GLYATL3: variants seen among roughly 807,000 people sequenced by gnomAD.
GLYATL3 encodes the protein glycine-N-acyltransferase like 3.
Under a neutral mutation model 28.5 loss-of-function variants are expected in GLYATL3, and 31 were observed. That is an observed-to-expected ratio of 1.09 (90% CI 0.82 to 1.47). GLYATL3 has a LOEUF of 1.47. Ranked by LOEUF, GLYATL3 falls within the 40% of genes most tolerant of loss-of-function variation. The pLI is 0.00. For missense variants in GLYATL3, 369 were observed against 351.5 expected, an observed-to-expected ratio of 1.05 and a Z score of -0.40; for synonymous variants, 141 against 140.2, an observed-to-expected ratio of 1.01 and a Z score of -0.04.
chr6:49,515,042 C>T (rs920985239), intron 2 of GLYATL3, among the ~76,000 whole-genome samples: 5 of 152,148 alleles, frequency 3.3e-5, no homozygotes, highest in African/African-American at 4.8e-5. Context: ...GCTCCGTGGA[C>T]ATAATAATGA....
Position 49,508,590 on chromosome 6 carries a change from C to T in GLYATL3, c.-28-3373C>T, listed in dbSNP as rs182342499. ...GCATCCGTTTATAGGCTCTCCACAA[C>T]GGTCGCATTCCTTTCCCAGAGCTAT... On this transcript the variant is annotated intron_variant, in intron 1 of 5. Coordinates refer to ENST00000371197, the MANE Select transcript of GLYATL3 (RefSeq NM_001010904.2). Among the ~76,000 whole-genome samples the T allele has an allele frequency of 1.3e-3, 203 of 152,234 alleles. 1 individual carries two copies. Among genetic ancestry groups the T allele is most frequent in the Non-Finnish European group, 2.6e-3 (180 of 68,012 alleles).
Position 49,526,809 on chromosome 6 carries a change from G to A in GLYATL3, c.762G>A (p.Thr254=). 1.9e-6 allele frequency: 3 copies of A among 1,552,088 alleles called. No homozygotes were observed. The highest frequency in any genetic ancestry group is 2.6e-6 in the Non-Finnish European group (3 of 1,147,078). ...AGGGGAACGTCCTGGATGACAACACGGCGTCTATAAGCCTCCTGAAGAGTC... is the reference window on the plus strand; with the variant it reads ...AGGGGAACGTCCTGGATGACAACACAGCGTCTATAAGCCTCCTGAAGAGTC... ...PSQGNVLDDN[T]ASISLLKSLH... The change falls in exon 6 of 6, where the codon ACG becomes ACA. Residue 254 remains threonine, a synonymous_variant. Coordinates refer to ENST00000371197, the MANE Select transcript of GLYATL3 (RefSeq NM_001010904.2).
intron 2 of GLYATL3, among the ~76,000 whole-genome samples, chr6:49,512,878 T>C (rs1467376982): frequency 6.6e-6 from 1 of 152,236 alleles, no homozygotes; most frequent in Admixed American, 6.5e-5. Flanking sequence ...CTATACTGTG[T>C]GAATTAAATC....
Position 49,527,085 on chromosome 6 carries a change from G to A in GLYATL3, c.*171G>A, listed in dbSNP as rs1769435379. The A allele has an allele frequency of 7.0e-6, 4 of 571,968 alleles. No individual in the cohort carries two copies. Among genetic ancestry groups the A allele is most frequent in the Non-Finnish European group, 1.2e-5 (4 of 327,898 alleles). 35.4% of individuals were successfully genotyped at this position (571,968 alleles called of 1,614,324 possible). On this transcript the variant is annotated 3_prime_UTR_variant, in exon 6 of 6. Coordinates refer to ENST00000371197, the MANE Select transcript of GLYATL3 (RefSeq NM_001010904.2). ...GAAGCCTTAATTTTTCGTATCTCAGGTTTCTCCAGTAAATAGCTGTGGGGG... is the reference window on the plus strand; with the variant it reads ...GAAGCCTTAATTTTTCGTATCTCAGATTTCTCCAGTAAATAGCTGTGGGGG...
At chr6:49,512,822 C>T (rs1358422987) in intron 2 of GLYATL3, among the ~76,000 whole-genome samples, 3 of 152,176 alleles carry the variant, frequency 2.0e-5, no homozygotes, top group Non-Finnish European at 4.4e-5. Flanking sequence ...TCCTTATGTA[C>T]ATTAAAATTT....
At chr6:49,500,642 A>G (rs768199983) in intron 1 of GLYATL3, among the ~76,000 whole-genome samples, 3 of 152,182 alleles carry the variant, frequency 2.0e-5, no homozygotes, top group Non-Finnish European at 4.4e-5. Context: ...CATGAGCATA[A>G]TTCTTTTTCT....
At chr6:49,524,265 G>A (rs958508821) in intron 5 of GLYATL3, among the ~76,000 whole-genome samples, 5 of 152,248 alleles carry the variant, frequency 3.3e-5, no homozygotes, top group African/African-American at 1.2e-4. Context: ...CCCCTGCTTA[G>A]TGGATAGATG....
In GLYATL3 at chr6:49,521,827, GT is replaced by G. The variant is rs1769321987; in HGVS notation, c.440+57del. ...AGGACTTACTGCTATAGAAGTACAC[GT>G]AGCAGTAACTGGGGTACTTAGTATC... is the stretch of plus-strand genomic sequence containing the variant. On this transcript the variant is annotated intron_variant, in intron 5 of 5. Transcript: ENST00000371197. 5.5e-6 allele frequency: 8 copies of G among 1,458,376 alleles called. No homozygotes were observed. In the Admixed American group the frequency reaches 8.6e-5, roughly 16 times the overall value. The allele number at this position is 1,458,376 out of a possible 1,614,324, so 90.3% of individuals were successfully genotyped here.
At position 49,526,581 on chromosome 6, in the gene GLYATL3, C is replaced by G; in HGVS notation, c.534C>G (p.Leu178=). Residue 178 remains leucine, a synonymous_variant, in exon 6 of 6, where the codon CTC becomes CTG. Transcript: ENST00000371197. ...CCCGGGGAGGCAATGAACAATGTCT[C>G]CGGTACATCGCCAACCTCATCTCCT... The part of the protein sequence containing the change: ...TWSRGGNEQC[L]RYIANLISCF... 1 of 1,551,932 alleles carries G rather than the reference C, an allele frequency of 6.4e-7. No individual in the cohort carries two copies. Among genetic ancestry groups the G allele is most frequent in the Non-Finnish European group, 8.7e-7 (1 of 1,147,030 alleles).
chr6:49,501,825 C>T (rs1013715679), intron 1 of GLYATL3, among the ~76,000 whole-genome samples: 1 of 152,170 alleles, frequency 6.6e-6, no homozygotes, highest in Non-Finnish European at 1.5e-5. Flanking sequence ...CTATCTTATC[C>T]ATATGGACAG....
chr6:49,507,373 GA>G (rs1227860779), intron 1 of GLYATL3, among the ~76,000 whole-genome samples: 2 of 152,136 alleles, frequency 1.3e-5, no homozygotes, highest in African/African-American at 4.8e-5. Context: ...CAGGTCCATA[GA>G]ATCTTTGTCA....
intron 1 of GLYATL3, 110 bp from the exon 2 acceptor site, chr6:49,511,853 A>G: frequency 2.0e-6 from 1 of 499,836 alleles, no homozygotes; most frequent in Non-Finnish European, 3.6e-6. Flanking sequence ...CAGGGGGAGC[A>G]ATGGCAGTCA....
At chr6:49,522,828 A>T (rs1439179374) in intron 5 of GLYATL3, among the ~76,000 whole-genome samples, 1 of 152,194 alleles carries the variant, frequency 6.6e-6, no homozygotes, top group Admixed American at 6.5e-5. Flanking sequence ...ACACACATAA[A>T]TGTTTAAAGG....
At chr6:49,522,709 TGAA>T (rs1359112237) in intron 5 of GLYATL3, among the ~76,000 whole-genome samples, 1 of 152,186 alleles carries the variant, frequency 6.6e-6, no homozygotes, top group African/African-American at 2.4e-5. Context: ...CAGTGAATGT[TGAA>T]GAAATTGTTG....
intron 1 of GLYATL3, among the ~76,000 whole-genome samples, chr6:49,502,602 G>A (rs1020099159): frequency 3.9e-4 from 59 of 152,096 alleles, no homozygotes; most frequent in African/African-American, 1.4e-3. Context: ...AGTTTGTCAG[G>A]TTATTAATTT....
At chr6:49,504,770 T>C (rs1355971843) in intron 1 of GLYATL3, among the ~76,000 whole-genome samples, 1 of 152,174 alleles carries the variant, frequency 6.6e-6, no homozygotes, top group Non-Finnish European at 1.5e-5. Context: ...GCTGGATCAT[T>C]GTCTGTTTTG....
Position 49,526,357 on chromosome 6 carries a change from G to A in GLYATL3, c.441-131G>A. The A allele has an allele frequency of 4.2e-6, 3 of 714,098 alleles. No individual in the cohort carries two copies. The South Asian group carries it at 5.7e-5, about 14-fold the overall frequency. The allele number at this position is 714,098 out of a possible 1,614,324, so 44.2% of individuals were successfully genotyped here. ...GAACCCGGGAGGCAGAGGTTGCAGT[G>A]AGCAGAGATCACGCCACTGCACTCC... On this transcript the variant is annotated intron_variant, in intron 5 of 5. Transcript: ENST00000371197.
intron 2 of GLYATL3, among the ~76,000 whole-genome samples, chr6:49,512,890 G>C (rs1581868732): frequency 6.6e-6 from 1 of 152,136 alleles, no homozygotes; most frequent in African/African-American, 2.4e-5. Context: ...AATTAAATCT[G>C]GCCATCTTGC....
At chr6:49,522,568 G>A (rs888233699) in intron 5 of GLYATL3, among the ~76,000 whole-genome samples, 1 of 152,046 alleles carries the variant, frequency 6.6e-6, no homozygotes, top group African/African-American at 2.4e-5. Flanking sequence ...ATATACTGTA[G>A]AATGATTAAA....
Sources: gnomAD v4.1 joint callset for allele counts (sites outside exome capture counted in the v4.1 genomes callset) on GRCh38, gnomAD v4.1.1 for gene constraint, MANE v1.5 for transcripts, NCBI Gene and HGNC (gene_info 2026-07-23, HGNC 2026-07-21) for gene names.